KREMEN1: variants seen among roughly 807,000 people sequenced by gnomAD.
KREMEN1 encodes the protein kringle containing transmembrane protein 1.
KREMEN1 carries 30 observed loss-of-function variants against 46.5 expected under a neutral mutation model. The observed-to-expected ratio is 0.65, with a 90% CI of 0.48 to 0.88. KREMEN1 has a LOEUF of 0.88. KREMEN1 is among the 40% of genes least tolerant of loss of function. The pLI, the probability that KREMEN1 is intolerant of heterozygous loss-of-function variation, is 0.00. For synonymous variants in KREMEN1, 214 were observed against 230.6 expected, an observed-to-expected ratio of 0.93 and a Z score of 0.65; for missense variants, 533 against 596.9, an observed-to-expected ratio of 0.89 and a Z score of 1.11.
At chr22:29,129,950 C>T (rs2038508290) in intron 5 of KREMEN1, among the ~76,000 whole-genome samples, 1 of 152,162 alleles carries the variant, frequency 6.6e-6, no homozygotes, top group African/African-American at 2.4e-5. Flanking sequence ...AACAGAAGAA[C>T]ATGTAGGCCA....
chr22:29,112,186 A>G (rs895591029), intron 3 of KREMEN1, among the ~76,000 whole-genome samples: 1 of 151,964 alleles, frequency 6.6e-6, no homozygotes, highest in South Asian at 2.1e-4. Flanking sequence ...GGTTGCCTCA[A>G]CTCCTACTTG....
intron 5 of KREMEN1, among the ~76,000 whole-genome samples, chr22:29,135,321 G>T (rs537878313): frequency 1.3e-5 from 2 of 152,226 alleles, no homozygotes; most frequent in South Asian, 4.1e-4. Context: ...ATGGTGTTTG[G>T]TATAGACTTT....
At chr22:29,157,025 T>C (rs141567157) in intron 9 of KREMEN1, among the ~76,000 whole-genome samples, 131 of 152,228 alleles carry the variant, frequency 8.6e-4, no homozygotes, top group African/African-American at 2.9e-3. Context: ...TAAGTGGGGG[T>C]AAAGATGGAC....
In KREMEN1 at chr22:29,145,733, G is replaced by A; in HGVS notation, c.*3621G>A. Reference sequence around the variant, plus strand: ...CTGTCCCCCACGTCAGGACAGGCTTGAGGCCTCTCTGGGCGTGAGCGAGGA... The same window carrying A: ...CTGTCCCCCACGTCAGGACAGGCTTAAGGCCTCTCTGGGCGTGAGCGAGGA... On this transcript the variant is annotated 3_prime_UTR_variant, in exon 9 of 9. Coordinates refer to ENST00000400335, the MANE Select transcript of KREMEN1 (RefSeq NM_001039570.3). 1 of 985,560 alleles carries A rather than the reference G, an allele frequency of 1.0e-6. No individual in the cohort carries two copies. The highest frequency in any genetic ancestry group is 4.7e-5 in the South Asian group (1 of 21,292). 61.1% of individuals were successfully genotyped at this position (985,560 alleles called of 1,614,324 possible).
At chr22:29,167,463 C>T (rs1264227207) in exon 10 of KREMEN1, 1 of 215,804 alleles carries the variant, frequency 4.6e-6, no homozygotes, top group Non-Finnish European at 9.3e-6. Flanking sequence ...TTGCACCTTT[C>T]TCACCTACTT....
intron 1 of KREMEN1, among the ~76,000 whole-genome samples, chr22:29,088,030 CATAA>C (rs1426443162): frequency 7.2e-5 from 11 of 152,090 alleles, no homozygotes; most frequent in Non-Finnish European, 1.3e-4. Flanking sequence ...GTTTTAGTAG[CATAA>C]ATAAATGAAG....
chr22:29,109,978 C>T (rs1194894538), intron 3 of KREMEN1, among the ~76,000 whole-genome samples: 5 of 152,216 alleles, frequency 3.3e-5, no homozygotes, highest in African/African-American at 1.2e-4. Flanking sequence ...ACGAGCTTTT[C>T]TTCCCAGGGA....
At chr22:29,150,209 C>T (rs2145866546), downstream of KREMEN1, among the ~76,000 whole-genome samples, 1 of 115,762 alleles carries the variant, frequency 8.6e-6, no homozygotes, top group South Asian at 3.4e-4. Flanking sequence ...TGGGCCTATG[C>T]CCAGCAACTG....
Sources: allele counts gnomAD v4.1 joint callset (sites outside exome capture counted in the v4.1 genomes callset), GRCh38; gene constraint gnomAD v4.1.1; transcripts MANE v1.5; gene names NCBI Gene and HGNC (gene_info 2026-07-23, HGNC 2026-07-21).